ARHGAP15: variants seen among roughly 807,000 people sequenced by gnomAD.
ARHGAP15 encodes Rho GTPase activating protein 15.
Under a neutral mutation model 63.7 loss-of-function variants are expected in ARHGAP15, and 51 were observed. The observed-to-expected ratio is 0.80, with a 90% CI of 0.64 to 1.01. The LOEUF (loss-of-function observed/expected upper bound fraction) is 1.01, where lower values mean the gene tolerates loss of function less well. Ranked by LOEUF, ARHGAP15 falls within the 50% of genes least tolerant of loss-of-function variation. ARHGAP15 has a pLI of 0.00. For synonymous variants in ARHGAP15, 191 were observed against 193.8 expected, an observed-to-expected ratio of 0.99 and a Z score of 0.12; for missense variants, 560 against 564.6, an observed-to-expected ratio of 0.99 and a Z score of 0.08.
intron 6 of ARHGAP15, among the ~76,000 whole-genome samples, chr2:143,370,699 C>T (rs1686511472): frequency 6.6e-6 from 1 of 152,132 alleles, no homozygotes; most frequent in Non-Finnish European, 1.5e-5. Context: ...CAAGCATCTA[C>T]CAAGCAGGAT....
At chr2:143,393,068 A>G (rs1574383048) in intron 6 of ARHGAP15, among the ~76,000 whole-genome samples, 1 of 152,300 alleles carries the variant, frequency 6.6e-6, no homozygotes, top group African/African-American at 2.4e-5. Flanking sequence ...TTACAAAGAG[A>G]TGATTTAAAG....
chr2:143,469,671 C>G (rs1180058295), intron 8 of ARHGAP15, among the ~76,000 whole-genome samples: 3 of 152,208 alleles, frequency 2.0e-5, no homozygotes, highest in African/African-American at 4.8e-5. Flanking sequence ...ATGACTTACA[C>G]ACAAGATTTC....
At chr2:143,221,916 T>A (rs1693016809) in intron 4 of ARHGAP15, among the ~76,000 whole-genome samples, 1 of 152,104 alleles carries the variant, frequency 6.6e-6, no homozygotes, top group Non-Finnish European at 1.5e-5. Flanking sequence ...TTCGGTTGGG[T>A]TTTTGTTTGT....
intron 8 of ARHGAP15, among the ~76,000 whole-genome samples, chr2:143,458,509 G>A (rs1050028589): frequency 6.6e-6 from 1 of 152,148 alleles, no homozygotes; most frequent in Admixed American, 6.6e-5. Context: ...AAGGGAAGGA[G>A]ATTCCTGCTG....
intron 8 of ARHGAP15, among the ~76,000 whole-genome samples, chr2:143,442,354 T>C (rs543882698): frequency 1.3e-5 from 2 of 152,098 alleles, no homozygotes; most frequent in Non-Finnish European, 2.9e-5. Context: ...TCATTCTGAA[T>C]TTGCTGCACC....
intron 6 of ARHGAP15, among the ~76,000 whole-genome samples, chr2:143,309,990 A>G (rs1683363591): frequency 6.6e-6 from 1 of 151,716 alleles, no homozygotes. Context: ...TCAATTATTA[A>G]TTTTATGTTC....
intron 12 of ARHGAP15, among the ~76,000 whole-genome samples, chr2:143,628,709 C>T (rs2105250093): frequency 6.6e-6 from 1 of 152,278 alleles, no homozygotes; most frequent in East Asian, 1.9e-4. Flanking sequence ...TTGGTTACTC[C>T]ACTCTTCCTT....
chr2:143,698,389 C>T (rs551725166), intron 12 of ARHGAP15, among the ~76,000 whole-genome samples: 1 of 152,292 alleles, frequency 6.6e-6, no homozygotes, highest in South Asian at 2.1e-4. Context: ...GTGTAACTAT[C>T]ATAAACCATA....
At chr2:143,540,262 GCC>G (rs1424392065) in intron 10 of ARHGAP15, among the ~76,000 whole-genome samples, 6 of 152,112 alleles carry the variant, frequency 3.9e-5, no homozygotes, top group Middle Eastern at 3.4e-3. Context: ...TTTATTTTGA[GCC>G]TATATGTGTG....
intron 3 of ARHGAP15, among the ~76,000 whole-genome samples, chr2:143,210,489 C>T (rs1692522755): frequency 6.6e-6 from 1 of 151,996 alleles, no homozygotes; most frequent in Non-Finnish European, 1.5e-5. Flanking sequence ...CCTTGAAATA[C>T]ACAGAGGTTT....
intron 12 of ARHGAP15, among the ~76,000 whole-genome samples, chr2:143,683,610 G>A (rs1373633677): frequency 6.6e-6 from 1 of 152,158 alleles, no homozygotes; most frequent in Non-Finnish European, 1.5e-5. Context: ...GTCTTTTAAT[G>A]CTGTGTGTTT....
At chr2:143,512,981 G>A (rs1030962847) in intron 9 of ARHGAP15, among the ~76,000 whole-genome samples, 19 of 152,222 alleles carry the variant, frequency 1.2e-4, no homozygotes, top group Admixed American at 1.2e-3. Flanking sequence ...AAATTTTGTA[G>A]AAGAAGCGTT....
chr2:143,232,055 C>T (rs1335605564), intron 5 of ARHGAP15, among the ~76,000 whole-genome samples: 4 of 152,162 alleles, frequency 2.6e-5, no homozygotes, highest in Non-Finnish European at 4.4e-5. Context: ...ATCCAAGTCA[C>T]ATTTTTATCA....
intron 6 of ARHGAP15, among the ~76,000 whole-genome samples, chr2:143,289,614 C>T (rs1682288271): frequency 6.6e-6 from 1 of 152,136 alleles, no homozygotes; most frequent in Admixed American, 6.6e-5. Context: ...CCTGCTTATC[C>T]CACCCAGATG....
chr2:143,250,866 G>A lies in ARHGAP15; in HGVS notation c.474+266G>A, dbSNP rs114734960. On this transcript the variant is annotated intron_variant, in intron 6 of 13. Coordinates refer to ENST00000295095, the MANE Select transcript of ARHGAP15 (RefSeq NM_018460.4). ...AGTCATTGAAGTTTGCAGTATATGC[G>A]ATAGATGTCTGGAGTTCAAACATGG... is the stretch of plus-strand genomic sequence containing the variant. 3.7e-3 allele frequency among the ~76,000 whole-genome samples: 568 copies of A among 152,052 alleles called. 5 individuals are homozygous for A. Among genetic ancestry groups the A allele is most frequent in the African/African-American group, 0.013 (524 of 41,518 alleles).
intron 6 of ARHGAP15, among the ~76,000 whole-genome samples, chr2:143,408,019 A>G (rs1371485824): frequency 6.0e-5 from 6 of 99,250 alleles, no homozygotes; most frequent in African/African-American, 1.7e-4. Flanking sequence ...ATATATATAT[A>G]TATATATATA....
Position 143,340,209 on chromosome 2 carries a change from A to G in ARHGAP15, c.474+89609A>G, listed in dbSNP as rs139770002. Reference sequence around the variant, plus strand: ...TACTTTTATTTTACTTATTGGAATAACGGTTTAAGCTGCAGAACCAAAGAG... The same window carrying G: ...TACTTTTATTTTACTTATTGGAATAGCGGTTTAAGCTGCAGAACCAAAGAG... On this transcript the variant is annotated intron_variant, in intron 6 of 13. Coordinates refer to ENST00000295095, the MANE Select transcript of ARHGAP15 (RefSeq NM_018460.4). Among the ~76,000 whole-genome samples the G allele has an allele frequency of 3.0e-3, 464 of 152,310 alleles. 4 individuals carry two copies. Among genetic ancestry groups the G allele is most frequent in the African/African-American group, 0.011 (447 of 41,580 alleles).
At chr2:143,377,682 G>C (rs1686877241) in intron 6 of ARHGAP15, among the ~76,000 whole-genome samples, 1 of 151,942 alleles carries the variant, frequency 6.6e-6, no homozygotes, top group Admixed American at 6.6e-5. Flanking sequence ...AAAAAGGTTT[G>C]AGTTGGAGTT....
At chr2:143,451,404 G>A (rs1031298138) in intron 8 of ARHGAP15, among the ~76,000 whole-genome samples, 4 of 151,754 alleles carry the variant, frequency 2.6e-5, no homozygotes, top group African/African-American at 7.3e-5. Flanking sequence ...ACTTCAAGAA[G>A]ACAGAGGAAA....
Sources: gnomAD v4.1 joint callset for allele counts (sites outside exome capture counted in the v4.1 genomes callset) on GRCh38, gnomAD v4.1.1 for gene constraint, MANE v1.5 for transcripts, NCBI Gene and HGNC (gene_info 2026-07-23, HGNC 2026-07-21) for gene names.